The following FNDC3B variants were observed in gnomAD, a reference collection of about 807,000 sequenced individuals.
The protein encoded by FNDC3B is fibronectin type III domain-containing protein 3B.
In FNDC3B, 12 loss-of-function variants were observed where a neutral mutation model predicts 151.5. That is an observed-to-expected ratio of 0.08 (90% CI 0.05 to 0.13). FNDC3B has a LOEUF of 0.13. Ranked by LOEUF, FNDC3B falls within the 10% of genes least tolerant of loss-of-function variation. The pLI, the probability that FNDC3B is intolerant of heterozygous loss-of-function variation, is 1.00. For synonymous variants in FNDC3B, 528 were observed against 549.0 expected, an observed-to-expected ratio of 0.96 and a Z score of 0.54; for missense variants, 1,214 against 1,505.3, an observed-to-expected ratio of 0.81 and a Z score of 3.20.
chr3:172,251,501 A>C lies in FNDC3B; in HGVS notation c.750A>C (p.Arg250=). The C allele has an allele frequency of 1.2e-6, 2 of 1,613,982 alleles. No homozygotes were observed. Among genetic ancestry groups the C allele is most frequent in the Non-Finnish European group, 1.7e-6 (2 of 1,179,930 alleles). The change falls in exon 6 of 26, where the codon CGA becomes CGC. Residue 250 remains arginine, a synonymous_variant. Coordinates refer to ENST00000415807, the MANE Select transcript of FNDC3B (RefSeq NM_022763.4). ...CCGGAATTAAGAAAACAGAGCGACG[A>C]GCAAGAAGCAGCCCAAAGTCGAATG... ...SGPGIKKTER[R]ARSSPKSNDS...
intron 10 of FNDC3B, among the ~76,000 whole-genome samples, chr3:172,308,775 T>G (rs928674215): frequency 2.0e-5 from 3 of 152,226 alleles, no homozygotes; most frequent in Admixed American, 6.5e-5. Context: ...TTCAGAGTTT[T>G]AACACCCAAC....
intron 4 of FNDC3B, among the ~76,000 whole-genome samples, chr3:172,232,417 G>A (rs1400256020): frequency 1.3e-5 from 2 of 152,186 alleles, no homozygotes; most frequent in Non-Finnish European, 2.9e-5. Flanking sequence ...AGCTGTGGAG[G>A]TGCAATCAAC....
chr3:172,341,014 TGG>T, intron 16 of FNDC3B, 97 bp from the exon 17 acceptor site: 1 of 788,138 alleles, frequency 1.3e-6, no homozygotes, highest in South Asian at 1.5e-5. Context: ...AAGAAGATGT[TGG>T]TTTTCATGAA....
chr3:172,291,874 A>G lies in FNDC3B; in HGVS notation c.850-3489A>G, dbSNP rs367548598. On this transcript the variant is annotated intron_variant, in intron 7 of 25. Coordinates refer to ENST00000415807, the MANE Select transcript of FNDC3B (RefSeq NM_022763.4). ...AAGTTTCAGCACAGGCAGACTTGCA[A>G]TGTGAAGGTCATATATGAGTGTTGT... is the stretch of plus-strand genomic sequence containing the variant. 3.9e-4 allele frequency among the ~76,000 whole-genome samples: 60 copies of G among 152,268 alleles called. 3 individuals are homozygous for G. The highest frequency in any genetic ancestry group is 1.3e-3 in the African/African-American group (54 of 41,544).
chr3:172,381,800 C>T (rs1470688686), intron 25 of FNDC3B, among the ~76,000 whole-genome samples: 2 of 152,144 alleles, frequency 1.3e-5, no homozygotes, highest in Admixed American at 6.5e-5. Context: ...GACATGAACT[C>T]GTTCTTTTTT....
intron 3 of FNDC3B, among the ~76,000 whole-genome samples, chr3:172,223,698 A>G (rs567167074): frequency 7.9e-5 from 12 of 152,332 alleles, no homozygotes; most frequent in African/African-American, 2.4e-4. Context: ...TTGTTCCCTA[A>G]GTCAATGTTG....
intron 6 of FNDC3B, among the ~76,000 whole-genome samples, chr3:172,272,572 CA>C (rs762250528): frequency 6.6e-6 from 1 of 152,102 alleles, no homozygotes; most frequent in Non-Finnish European, 1.5e-5. Flanking sequence ...TTGCTTTTTA[CA>C]TGTTTTAGGG....
At chr3:172,314,630 A>C (rs766844868) in intron 11 of FNDC3B, among the ~76,000 whole-genome samples, 15 of 152,248 alleles carry the variant, frequency 9.9e-5, no homozygotes, top group Non-Finnish European at 1.9e-4. Context: ...AAATTTTGAA[A>C]GTGTTGGTTA....
At chr3:172,331,869 G>C (rs1347311156) in intron 13 of FNDC3B, among the ~76,000 whole-genome samples, 1 of 152,176 alleles carries the variant, frequency 6.6e-6, no homozygotes, top group East Asian at 1.9e-4. Context: ...TGCAGTGATG[G>C]AAATATTTTA....
chr3:172,216,191 T>G (rs1725968187), intron 3 of FNDC3B, among the ~76,000 whole-genome samples: 1 of 152,214 alleles, frequency 6.6e-6, no homozygotes, highest in South Asian at 2.1e-4. Context: ...GGGACTTTAC[T>G]TGTTAAATAT....
chr3:172,310,411 T>G (rs1409525475), intron 10 of FNDC3B, among the ~76,000 whole-genome samples: 1 of 152,168 alleles, frequency 6.6e-6, no homozygotes, highest in Non-Finnish European at 1.5e-5. Flanking sequence ...AAGCTGTATG[T>G]GGGATGTTAT....
intron 4 of FNDC3B, among the ~76,000 whole-genome samples, chr3:172,231,199 A>C (rs1036622509): frequency 5.9e-5 from 9 of 152,246 alleles, no homozygotes; most frequent in African/African-American, 1.9e-4. Flanking sequence ...GAAAGAAGCC[A>C]GATATAAAAG....
At chr3:172,286,432 A>G (rs1730022308) in intron 7 of FNDC3B, among the ~76,000 whole-genome samples, 1 of 152,210 alleles carries the variant, frequency 6.6e-6, no homozygotes, top group Non-Finnish European at 1.5e-5. Context: ...CAATGGCAAG[A>G]CAAAAAAATG....
chr3:172,281,215 A>ATATTTATTTATTTATT, intron 6 of FNDC3B, among the ~76,000 whole-genome samples: 2 of 132,502 alleles, frequency 1.5e-5, no homozygotes, highest in South Asian at 2.3e-4. Flanking sequence ...ATTATTATTT[A>ATATTTATTTATTTATT]TATTTATTTA....
At position 172,309,511 on chromosome 3, in the gene FNDC3B, A is replaced by G. The variant is rs75903064; in HGVS notation, c.1201-1317A>G. On this transcript the variant is annotated intron_variant, in intron 10 of 25. Transcript: ENST00000415807. ...AACTTTGATTTTGTCAGTTGTTTAT[A>G]ACTTTAAGTGCATCACTATCCTCTC... is the stretch of plus-strand genomic sequence containing the variant. 4.1e-5 allele frequency among the ~76,000 whole-genome samples: 6 copies of G among 145,888 alleles called. No individual in the cohort carries two copies. In the East Asian group the frequency reaches 1.2e-3, roughly 28 times the overall value.
At chr3:172,312,758 CT>C (rs1731582349) in intron 11 of FNDC3B, among the ~76,000 whole-genome samples, 1 of 152,058 alleles carries the variant, frequency 6.6e-6, no homozygotes, top group South Asian at 2.1e-4. Flanking sequence ...GAATACATAC[CT>C]CAGTGGGAAA....
At chr3:172,275,309 A>T (rs911897680) in intron 6 of FNDC3B, among the ~76,000 whole-genome samples, 6 of 151,964 alleles carry the variant, frequency 3.9e-5, no homozygotes, top group African/African-American at 1.5e-4. Flanking sequence ...TGAGGGGGGG[A>T]AATATACATG....
chr3:172,261,505 C>T (rs1200340370), intron 6 of FNDC3B, among the ~76,000 whole-genome samples: 2 of 152,160 alleles, frequency 1.3e-5, no homozygotes, highest in Admixed American at 6.5e-5. Context: ...TGCTTTCTGC[C>T]ATGGTCAGCT....
chr3:172,218,075 A>C (rs1726086916), intron 3 of FNDC3B, among the ~76,000 whole-genome samples: 1 of 148,116 alleles, frequency 6.8e-6, no homozygotes, highest in Admixed American at 6.8e-5. Flanking sequence ...TGACTGGGCC[A>C]GACTAGAAAT....
Sources: allele counts gnomAD v4.1 joint callset (sites outside exome capture counted in the v4.1 genomes callset), GRCh38; gene constraint gnomAD v4.1.1; transcripts MANE v1.5; gene names NCBI Gene and HGNC (gene_info 2026-07-23, HGNC 2026-07-21).